MAP4K3: variants seen among roughly 807,000 people sequenced by gnomAD.
The protein encoded by MAP4K3 is mitogen-activated protein kinase kinase kinase kinase 3, also known as MAPK/ERK kinase kinase kinase 3.
In MAP4K3, 94 loss-of-function variants were observed where a neutral mutation model predicts 143.5. That is an observed-to-expected ratio of 0.65 (90% CI 0.55 to 0.78). MAP4K3 has a LOEUF of 0.78. MAP4K3 is among the 30% of genes least tolerant of loss of function. The pLI is 0.00. For synonymous variants in MAP4K3, 416 were observed against 347.2 expected (o/e 1.20, Z -2.20); for missense variants, 1,077 against 1,068.1 (o/e 1.01, Z -0.12).
At chr2:39,299,179 G>C (rs571765667) in intron 16 of MAP4K3, among the ~76,000 whole-genome samples, 2 of 152,160 alleles carry the variant, frequency 1.3e-5, no homozygotes, top group South Asian at 4.1e-4. Flanking sequence ...GTTAATGTTT[G>C]TAAGCTGCCT....
rs139056684 is a variant in MAP4K3, at chr2:39,323,338, A to C, written c.918+2180T>G. The C allele has an allele frequency of 3.8e-3, 581 of 152,242 alleles. 7 individuals carry two copies. Among genetic ancestry groups the C allele is most frequent in the African/African-American group, 0.013 (552 of 41,544 alleles). 9.4% of individuals were successfully genotyped at this position (152,242 alleles called of 1,614,324 possible). A position where few individuals can be genotyped will look rare whatever the true frequency, so the allele number is the denominator to read the frequency against. Reference sequence around the variant, plus strand: ...TCTTCATTCCACAGATTGCTTCTCTATTTGGTTTATTATTTCTGTTCTTTG... The same window carrying C: ...TCTTCATTCCACAGATTGCTTCTCTCTTTGGTTTATTATTTCTGTTCTTTG... On this transcript the variant is annotated intron_variant, in intron 12 of 33. Transcript: ENST00000263881.
At chr2:39,356,120 A>T in intron 3 of MAP4K3, 129 bp downstream of exon 3, 1 of 610,910 alleles carries the variant, frequency 1.6e-6, no homozygotes, top group South Asian at 2.5e-5. Context: ...TTCCATTGGT[A>T]TGAAAATATC....
chr2:39,261,472 T>G (rs1680565253), intron 28 of MAP4K3, among the ~76,000 whole-genome samples: 1 of 152,136 alleles, frequency 6.6e-6, no homozygotes, highest in South Asian at 2.1e-4. Context: ...TGGCTAAAAT[T>G]AAAAAGAATG....
At chr2:39,266,764 G>A (rs866881126) in intron 27 of MAP4K3, among the ~76,000 whole-genome samples, 26 of 152,192 alleles carry the variant, frequency 1.7e-4, no homozygotes, top group African/African-American at 5.3e-4. Flanking sequence ...TGTTATTGGG[G>A]TGGGGGAGGA....
intron 31 of MAP4K3, among the ~76,000 whole-genome samples, chr2:39,257,224 T>A (rs1047885810): frequency 6.6e-6 from 1 of 152,198 alleles, no homozygotes; most frequent in Non-Finnish European, 1.5e-5. Context: ...ACCATTCATT[T>A]TCCCAGCACT....
At chr2:39,416,370 C>T (rs1667380602) in intron 1 of MAP4K3, among the ~76,000 whole-genome samples, 1 of 152,120 alleles carries the variant, frequency 6.6e-6, no homozygotes, top group Non-Finnish European at 1.5e-5. Context: ...CAATAAAACG[C>T]CTTTGCTAAC....
intron 15 of MAP4K3, among the ~76,000 whole-genome samples, chr2:39,307,738 T>C (rs1682764894): frequency 6.6e-6 from 1 of 151,992 alleles, no homozygotes; most frequent in Non-Finnish European, 1.5e-5. Context: ...TACAAGCATG[T>C]TTATTACTAC....
intron 8 of MAP4K3, among the ~76,000 whole-genome samples, chr2:39,328,087 T>G (rs183782099): frequency 6.6e-6 from 1 of 152,190 alleles, no homozygotes; most frequent in Non-Finnish European, 1.5e-5. Context: ...TCCTAGCACT[T>G]TGGGAGGCCG....
At chr2:39,260,925 C>T (rs1680543588) in intron 28 of MAP4K3, 148 bp from the exon 29 acceptor site, 2 of 581,560 alleles carry the variant, frequency 3.4e-6, no homozygotes, top group South Asian at 2.4e-5. Flanking sequence ...TATGGACTCT[C>T]TTTTATAAAC....
At chr2:39,272,615 C>T (rs542802398) in intron 24 of MAP4K3, 73 bp from the exon 25 acceptor site, 15 of 1,180,214 alleles carry the variant, frequency 1.3e-5, no homozygotes, top group South Asian at 1.0e-4. Flanking sequence ...ACAGTAATCA[C>T]GTAAGCTGTC....
chr2:39,348,293 T>C (rs1223850045), intron 3 of MAP4K3, among the ~76,000 whole-genome samples: 1 of 152,092 alleles, frequency 6.6e-6, no homozygotes, highest in Non-Finnish European at 1.5e-5. Flanking sequence ...TGCTTAAATA[T>C]ACAATTTTCT....
At chr2:39,338,030 T>A (rs1665024412) in intron 4 of MAP4K3, among the ~76,000 whole-genome samples, 1 of 152,102 alleles carries the variant, frequency 6.6e-6, no homozygotes, top group Non-Finnish European at 1.5e-5. Context: ...CCTGAAGTGC[T>A]GGAATTACAG....
intron 1 of MAP4K3, among the ~76,000 whole-genome samples, chr2:39,398,206 G>A (rs1282400510): frequency 6.6e-6 from 1 of 151,996 alleles, no homozygotes; most frequent in Non-Finnish European, 1.5e-5. Context: ...GAAATTGCCT[G>A]TTAATAGCAA....
intron 3 of MAP4K3, among the ~76,000 whole-genome samples, chr2:39,348,418 TTTAG>T (rs540275469): frequency 3.9e-5 from 6 of 152,170 alleles, no homozygotes; most frequent in East Asian, 1.9e-4. Context: ...TAATATTCTA[TTTAG>T]TTAAAGTCTA....
At chr2:39,420,096 T>C (rs958413152) in intron 1 of MAP4K3, among the ~76,000 whole-genome samples, 1 of 152,158 alleles carries the variant, frequency 6.6e-6, no homozygotes, top group Non-Finnish European at 1.5e-5. Context: ...CAGAGAGAGA[T>C]TCTAAGTCAC....
intron 1 of MAP4K3, among the ~76,000 whole-genome samples, chr2:39,417,430 A>T (rs1441566740): frequency 6.6e-6 from 1 of 152,094 alleles, no homozygotes; most frequent in African/African-American, 2.4e-5. Flanking sequence ...CGTGTTAGCC[A>T]GGATGGTCTT....
intron 6 of MAP4K3, among the ~76,000 whole-genome samples, chr2:39,335,585 T>A (rs558728707): frequency 1.4e-4 from 21 of 152,332 alleles, no homozygotes; most frequent in Non-Finnish European, 2.9e-4. Flanking sequence ...AACTTCTGTA[T>A]CTGCTCACAT....
chr2:39,294,602 C>A (rs1463101704), intron 16 of MAP4K3, among the ~76,000 whole-genome samples: 1 of 152,202 alleles, frequency 6.6e-6, no homozygotes, highest in Non-Finnish European at 1.5e-5. Flanking sequence ...GGATATGGCA[C>A]TGGATAAGTT....
At chr2:39,267,101 C>T in intron 27 of MAP4K3, 88 bp downstream of exon 27, 1 of 1,242,136 alleles carries the variant, frequency 8.1e-7, no homozygotes, top group Non-Finnish European at 1.2e-6. Context: ...TAAAGTATTG[C>T]TGGCAGAATG....
Sources: gnomAD v4.1 joint callset for allele counts (sites outside exome capture counted in the v4.1 genomes callset) on GRCh38, gnomAD v4.1.1 for gene constraint, MANE v1.5 for transcripts, NCBI Gene and HGNC (gene_info 2026-07-23, HGNC 2026-07-21) for gene names.